Variants in CDKAL1 observed in about 807,000 individuals in gnomAD.
CDKAL1 encodes CDKAL1 threonylcarbamoyladenosine tRNA methylthiotransferase.
CDKAL1 carries 32 observed loss-of-function variants against 68.2 expected under a neutral mutation model. The ratio of observed to expected loss-of-function variants is 0.47; its 90% confidence interval spans 0.35 to 0.63. The LOEUF (loss-of-function observed/expected upper bound fraction) is 0.63, where lower values mean the gene tolerates loss of function less well. Ranked by LOEUF, CDKAL1 falls within the 30% of genes least tolerant of loss-of-function variation. The pLI, the probability that CDKAL1 is intolerant of heterozygous loss-of-function variation, is 0.00. For missense variants in CDKAL1, 606 were observed against 696.7 expected, an observed-to-expected ratio of 0.87 and a Z score of 1.47; for synonymous variants, 234 against 244.3, an observed-to-expected ratio of 0.96 and a Z score of 0.39.
At chr6:20,553,675 A>G (rs1467738453) in intron 4 of CDKAL1, among the ~76,000 whole-genome samples, 1 of 152,198 alleles carries the variant, frequency 6.6e-6, no homozygotes, top group East Asian at 1.9e-4. Flanking sequence ...CAGTAGCACC[A>G]TCTCGGCTTA....
At chr6:20,912,439 T>G (rs1762508188) in intron 9 of CDKAL1, among the ~76,000 whole-genome samples, 2 of 152,140 alleles carry the variant, frequency 1.3e-5, no homozygotes, top group African/African-American at 2.4e-5. Context: ...AGGCCTTCAG[T>G]TCCTAAGCAA....
At chr6:20,578,878 A>G (rs1765022990) in intron 4 of CDKAL1, among the ~76,000 whole-genome samples, 1 of 152,196 alleles carries the variant, frequency 6.6e-6, no homozygotes, top group African/African-American at 2.4e-5. Flanking sequence ...CGATGAGCTT[A>G]AATCATGAAA....
intron 9 of CDKAL1, among the ~76,000 whole-genome samples, chr6:20,896,051 A>T (rs1052757129): frequency 2.0e-5 from 3 of 150,914 alleles, no homozygotes; most frequent in Admixed American, 6.6e-5. Flanking sequence ...AATTGAAGAG[A>T]TTGGGATTGG....
chr6:21,070,797 T>C (rs1333260899), intron 12 of CDKAL1, among the ~76,000 whole-genome samples: 2 of 152,226 alleles, frequency 1.3e-5, no homozygotes, highest in South Asian at 2.1e-4. Context: ...CTGTTTCCTA[T>C]TTCCTTGGTA....
chr6:21,046,024 T>G (rs1770208669), intron 11 of CDKAL1, among the ~76,000 whole-genome samples: 1 of 152,200 alleles, frequency 6.6e-6, no homozygotes, highest in Admixed American at 6.5e-5. Context: ...TGCTTATTGT[T>G]GTGTGACATT....
At chr6:20,989,611 C>T (rs1766680284) in intron 10 of CDKAL1, among the ~76,000 whole-genome samples, 2 of 152,280 alleles carry the variant, frequency 1.3e-5, no homozygotes, top group South Asian at 4.1e-4. Flanking sequence ...TGCCCTTTCC[C>T]CATTAAATTG....
intron 4 of CDKAL1, among the ~76,000 whole-genome samples, chr6:20,647,752 T>C (rs6936199): frequency 0.062 from 9,357 of 152,068 alleles, 895 homozygotes; most frequent in African/African-American, 0.21. Flanking sequence ...AGTGACATAA[T>C]TGATTTATGT....
intron 11 of CDKAL1, among the ~76,000 whole-genome samples, chr6:21,037,674 T>G (rs1582074722): frequency 6.6e-6 from 1 of 152,308 alleles, no homozygotes; most frequent in African/African-American, 2.4e-5. Context: ...TTGCTTTCAG[T>G]TCATTTTAAT....
chr6:20,690,376 A>T (rs577088024), intron 5 of CDKAL1, among the ~76,000 whole-genome samples: 12 of 152,258 alleles, frequency 7.9e-5, no homozygotes, highest in Admixed American at 2.0e-4. Flanking sequence ...ATTGCATTTT[A>T]AAAAATGTAG....
At chr6:20,597,436 G>A (rs1177010264) in intron 4 of CDKAL1, among the ~76,000 whole-genome samples, 1 of 143,210 alleles carries the variant, frequency 7.0e-6, no homozygotes, top group Non-Finnish European at 1.5e-5. Context: ...TTTTTTTGAG[G>A]CAGAGTCTCA....
At chr6:20,653,647 A>T (rs1343136460) in intron 5 of CDKAL1, among the ~76,000 whole-genome samples, 1 of 139,798 alleles carries the variant, frequency 7.2e-6, no homozygotes, top group African/African-American at 2.8e-5. Context: ...AGGGAGTCTC[A>T]CTCTGTCACC....
chr6:20,827,704 G>A (rs1457202418), intron 8 of CDKAL1, among the ~76,000 whole-genome samples: 3 of 152,138 alleles, frequency 2.0e-5, no homozygotes, highest in South Asian at 2.1e-4. Flanking sequence ...CATTTGCAAA[G>A]TTCCAAATTG....
intron 10 of CDKAL1, among the ~76,000 whole-genome samples, chr6:20,989,256 A>C (rs1766662166): frequency 6.6e-6 from 1 of 152,206 alleles, no homozygotes; most frequent in South Asian, 2.1e-4. Flanking sequence ...TTAGATGCTT[A>C]CACGTTTATA....
At chr6:21,191,865 C>A (rs1430372599) in intron 13 of CDKAL1, among the ~76,000 whole-genome samples, 1 of 151,798 alleles carries the variant, frequency 6.6e-6, no homozygotes, top group Non-Finnish European at 1.5e-5. Flanking sequence ...TGTTTCCCAG[C>A]AGCCCTGAGA....
At chr6:21,212,362 A>G (rs977047021) in intron 15 of CDKAL1, among the ~76,000 whole-genome samples, 2 of 152,198 alleles carry the variant, frequency 1.3e-5, no homozygotes, top group Non-Finnish European at 2.9e-5. Flanking sequence ...AAGCCACTCA[A>G]CCTACTCTTT....
chr6:20,745,847 G>C (rs1488558622), intron 6 of CDKAL1, among the ~76,000 whole-genome samples: 1 of 152,240 alleles, frequency 6.6e-6, no homozygotes, highest in Non-Finnish European at 1.5e-5. Flanking sequence ...CAAGTCTGAT[G>C]TGTAAAATTG....
At chr6:20,782,798 A>T (rs532549823) in intron 8 of CDKAL1, among the ~76,000 whole-genome samples, 5 of 152,344 alleles carry the variant, frequency 3.3e-5, no homozygotes, top group East Asian at 3.9e-4. Flanking sequence ...GACTGAATGA[A>T]TGAATAAGTT....
chr6:21,223,524 A>G (rs761547856), intron 15 of CDKAL1, among the ~76,000 whole-genome samples: 4 of 152,172 alleles, frequency 2.6e-5, no homozygotes, highest in East Asian at 3.9e-4. Context: ...CAGGTACCAT[A>G]TTACAACTTA....
chr6:21,002,251 A>T (rs773576869), intron 11 of CDKAL1, among the ~76,000 whole-genome samples: 1 of 152,194 alleles, frequency 6.6e-6, no homozygotes, highest in Non-Finnish European at 1.5e-5. Flanking sequence ...TGAGGCATCT[A>T]TGTAGTTTTT....
Sources: gnomAD v4.1 joint callset for allele counts (sites outside exome capture counted in the v4.1 genomes callset) on GRCh38, gnomAD v4.1.1 for gene constraint, MANE v1.5 for transcripts, NCBI Gene and HGNC (gene_info 2026-07-23, HGNC 2026-07-21) for gene names.